Variants in GRB10 observed in about 807,000 individuals in gnomAD.
GRB10 encodes the protein growth factor receptor bound protein 10.
A neutral mutation model predicts 80.9 loss-of-function variants in GRB10; 20 were observed. That is an observed-to-expected ratio of 0.25 (90% CI 0.17 to 0.36). GRB10 has a LOEUF of 0.36. GRB10 is among the 10% of genes least tolerant of loss of function. GRB10 has a pLI of 1.00. For synonymous variants in GRB10, 291 were observed against 291.5 expected (o/e 1.00, Z 0.02); for missense variants, 548 against 747.7 (o/e 0.73, Z 3.12).
At chr7:50,723,590 C>T (rs1013217580) in intron 4 of GRB10, among the ~76,000 whole-genome samples, 3 of 152,148 alleles carry the variant, frequency 2.0e-5, no homozygotes, top group African/African-American at 7.2e-5. Context: ...CCCTTGGATC[C>T]CAGGAGCAAA....
chr7:50,702,179 C>G (rs1310020943), intron 5 of GRB10, among the ~76,000 whole-genome samples: 1 of 152,226 alleles, frequency 6.6e-6, no homozygotes, highest in Non-Finnish European at 1.5e-5. Context: ...TGCATCCACT[C>G]TGTCTGGCTG....
At chr7:50,715,267 AGCAGAAGG>A (rs1468823613) in intron 4 of GRB10, among the ~76,000 whole-genome samples, 3 of 151,568 alleles carry the variant, frequency 2.0e-5, no homozygotes, top group Non-Finnish European at 2.9e-5. Context: ...TCCAGGTGCA[AGCAGAAGG>A]GCTGGGCTGG....
intron 7 of GRB10, among the ~76,000 whole-genome samples, chr7:50,661,055 A>G (rs1322215962): frequency 6.6e-6 from 1 of 152,222 alleles, no homozygotes; most frequent in Non-Finnish European, 1.5e-5. Context: ...GAGGAAGTCC[A>G]TCCTCAGCAA....
At chr7:50,715,736 G>A (rs561656347) in intron 4 of GRB10, among the ~76,000 whole-genome samples, 12 of 152,266 alleles carry the variant, frequency 7.9e-5, no homozygotes, top group East Asian at 1.9e-4. Flanking sequence ...CTAGAACCAC[G>A]GTTAAAATAA....
intron 4 of GRB10, among the ~76,000 whole-genome samples, chr7:50,725,123 CA>C (rs1367444736): frequency 6.6e-6 from 1 of 152,186 alleles, no homozygotes; most frequent in Non-Finnish European, 1.5e-5. Flanking sequence ...TATCCCCGCC[CA>C]AAATCTCATG....
At chr7:50,704,588 A>G (rs548813034) in intron 4 of GRB10, among the ~76,000 whole-genome samples, 1 of 152,382 alleles carries the variant, frequency 6.6e-6, no homozygotes, top group South Asian at 2.1e-4. Context: ...TTTATGATGC[A>G]TATGTACCAC....
Position 50,676,311 on chromosome 7 carries a change from G to A in GRB10, c.140-1653C>T, listed in dbSNP as rs372595504. On this transcript the variant is annotated intron_variant, in intron 5 of 18. Transcript: ENST00000401949. The stretch of plus-strand genomic sequence containing the variant: ...TTAAGAGTCCTCAACTCTAACATGA[G>A]CTTAGCAATAGTGTCCACCCCACCG... Among the ~76,000 whole-genome samples, 3 of 141,076 alleles carry A rather than the reference G, an allele frequency of 2.1e-5. No homozygotes were observed. The East Asian group carries it at 6.4e-4, about 30-fold the overall frequency. 92.6% of individuals were successfully genotyped at this position (141,076 alleles called of 152,430 possible).
At chr7:50,618,854 T>A (rs1454527629) in intron 9 of GRB10, among the ~76,000 whole-genome samples, 2 of 152,260 alleles carry the variant, frequency 1.3e-5, no homozygotes, top group Non-Finnish European at 2.9e-5. Flanking sequence ...AAGTGTTTGA[T>A]CAGTTCAACT....
chr7:50,786,439 G>A (rs548891669), upstream of GRB10, among the ~76,000 whole-genome samples: 1 of 151,936 alleles, frequency 6.6e-6, no homozygotes, highest in South Asian at 2.1e-4. Flanking sequence ...AGGAACTTCG[G>A]AACAAAGGCA....
intron 4 of GRB10, among the ~76,000 whole-genome samples, chr7:50,706,189 C>G (rs79333203): frequency 0.021 from 3,199 of 152,322 alleles, 124 homozygotes; most frequent in African/African-American, 0.073. Flanking sequence ...TTGTACACAA[C>G]TAGACACTGT....
chr7:50,637,102 C>T (rs1176072140), intron 7 of GRB10, among the ~76,000 whole-genome samples: 1 of 152,108 alleles, frequency 6.6e-6, no homozygotes, highest in African/African-American at 2.4e-5. Flanking sequence ...TTACCTTCCC[C>T]AAGTAGCTGG....
At chr7:50,789,542 T>C (rs953746723) in intron 1 of GRB10, among the ~76,000 whole-genome samples, 3 of 151,812 alleles carry the variant, frequency 2.0e-5, no homozygotes, top group African/African-American at 4.9e-5. Flanking sequence ...CCTGGTCAAA[T>C]AGAGCAGAAA....
At chr7:50,688,623 C>T (rs2715124) in intron 5 of GRB10, among the ~76,000 whole-genome samples, 11,204 of 152,014 alleles carry the variant, frequency 0.074, 1,421 homozygotes, top group African/African-American at 0.26. Context: ...TGTGAGAAGA[C>T]GCCAAAGAGT....
chr7:50,792,488 G>GCCT, intron 1 of GRB10: 2 of 398,568 alleles, frequency 5.0e-6, no homozygotes, highest in Middle Eastern at 6.3e-4. Flanking sequence ...TCAGGCAGGC[G>GCCT]TTTGGAGAGG....
chr7:50,725,488 G>GT, intron 4 of GRB10, among the ~76,000 whole-genome samples: 1 of 152,302 alleles, frequency 6.6e-6, no homozygotes, highest in South Asian at 2.1e-4. Context: ...CACACAGCAG[G>GT]TAAGTTTTGG....
chr7:50,689,448 A>G (rs1586912750), intron 5 of GRB10, among the ~76,000 whole-genome samples: 1 of 152,198 alleles, frequency 6.6e-6, no homozygotes, highest in Admixed American at 6.5e-5. Flanking sequence ...GGTCAGGCTG[A>G]ATCCAAAGTT....
At chr7:50,745,891 G>C (rs192931044) in intron 3 of GRB10, among the ~76,000 whole-genome samples, 55 of 152,298 alleles carry the variant, frequency 3.6e-4, no homozygotes, top group African/African-American at 1.3e-3. Context: ...AGATGCTAAA[G>C]TAAACTCTCT....
At chr7:50,634,761 C>A (rs1417554209) in intron 7 of GRB10, among the ~76,000 whole-genome samples, 1 of 152,168 alleles carries the variant, frequency 6.6e-6, no homozygotes, top group African/African-American at 2.4e-5. Flanking sequence ...ATAAAACAGA[C>A]TTTAAGCTAA....
At chr7:50,733,695 A>AG in intron 3 of GRB10, among the ~76,000 whole-genome samples, 1 of 152,236 alleles carries the variant, frequency 6.6e-6, no homozygotes, top group Non-Finnish European at 1.5e-5. Context: ...CCAAGGCCTC[A>AG]GCCTTCTCCG....
Sources: allele counts gnomAD v4.1 joint callset (sites outside exome capture counted in the v4.1 genomes callset), GRCh38; gene constraint gnomAD v4.1.1; transcripts MANE v1.5; gene names NCBI Gene and HGNC (gene_info 2026-07-23, HGNC 2026-07-21).